Variants in NSA2 observed in about 807,000 individuals in gnomAD.
The protein encoded by NSA2 is NSA2 ribosome biogenesis factor, also known as ribosome biogenesis protein NSA2 homolog.
In NSA2, 18 loss-of-function variants were observed where a neutral mutation model predicts 34.8. The observed-to-expected ratio is 0.52, with a 90% CI of 0.36 to 0.77. NSA2 has a LOEUF of 0.77. Ranked by LOEUF, NSA2 falls within the 30% of genes least tolerant of loss-of-function variation. The pLI is 0.00. For synonymous variants in NSA2, 79 were observed against 100.2 expected (o/e 0.79, Z 1.26); for missense variants, 188 against 314.7 (o/e 0.60, Z 3.05).
chr5:74,776,225 C>T (rs1258473765), intron 5 of NSA2, among the ~76,000 whole-genome samples: 2 of 152,112 alleles, frequency 1.3e-5, no homozygotes, highest in Non-Finnish European at 2.9e-5. Flanking sequence ...CATGGCTGGG[C>T]GCAGTGGCTC....
intron 1 of NSA2, among the ~76,000 whole-genome samples, chr5:74,768,038 G>A (rs894280245): frequency 1.3e-5 from 2 of 152,100 alleles, no homozygotes. Flanking sequence ...ATAGACTCAC[G>A]CCTGGCCGCG....
rs925429530 is a variant in NSA2, at chr5:74,779,205, G to A, written c.*2534G>A. 1 of 152,078 alleles carries A rather than the reference G, an allele frequency of 6.6e-6. No individual in the cohort carries two copies. The highest frequency in any genetic ancestry group is 2.4e-5 in the African/African-American group (1 of 41,416). The allele number at this position is 152,078 out of a possible 1,614,324, so 9.4% of individuals were successfully genotyped here. On this transcript the variant is annotated 3_prime_UTR_variant, in exon 6 of 6. Coordinates refer to ENST00000610426, the MANE Select transcript of NSA2 (RefSeq NM_014886.6). Reference sequence around the variant, plus strand: ...CTGTTAGCCCCCAATGGTCATATATGATTAATAAACATTTTTTGTAAACTC... The same window carrying A: ...CTGTTAGCCCCCAATGGTCATATATAATTAATAAACATTTTTTGTAAACTC...
Position 74,779,428 on chromosome 5 carries a change from G to C in NSA2, c.*2757G>C, listed in dbSNP as rs996035646. 6.6e-6 allele frequency: 1 copy of C among 152,016 alleles called. No homozygotes were observed. Among genetic ancestry groups the C allele is most frequent in the Non-Finnish European group, 1.5e-5 (1 of 67,958 alleles). The allele number at this position is 152,016 out of a possible 1,614,324, so 9.4% of individuals were successfully genotyped here. On this transcript the variant is annotated 3_prime_UTR_variant, in exon 6 of 6. Transcript: ENST00000610426. ...TTCCATGTTTAAAATAATTTGAAAA[G>C]AAAGTATTTTAAACAAATCCAAGTA...
chr5:74,773,847 A>T lies in NSA2; in HGVS notation c.523-21A>T, dbSNP rs765111425. 4.4e-6 allele frequency: 7 copies of T among 1,596,154 alleles called. No individual in the cohort carries two copies. In the South Asian group the frequency reaches 7.9e-5, roughly 18 times the overall value. Reference sequence around the variant, plus strand: ...TAACATTTTGGACGTAAACATTCTTATGTTGTGTTTGACTTACTAGGGCTT... The same window carrying T: ...TAACATTTTGGACGTAAACATTCTTTTGTTGTGTTTGACTTACTAGGGCTT... On this transcript the variant is annotated intron_variant, in intron 4 of 5. Coordinates refer to ENST00000610426, the MANE Select transcript of NSA2 (RefSeq NM_014886.6).
Position 74,773,894 on chromosome 5 carries a change from A to G in NSA2, c.549A>G (p.Val183=), listed in dbSNP as rs1383581530. Residue 183 remains valine, a synonymous_variant, in exon 5 of 6, where the codon GTA becomes GTG. Coordinates refer to ENST00000610426, the MANE Select transcript of NSA2 (RefSeq NM_014886.6). The part of the protein sequence containing the change: ...PMGLRFKKAH[V]THPELKATFC... ...GCTTGCGTTTCAAGAAAGCCCATGTAACACATCCTGAACTGAAAGCCACCT... is the reference window on the plus strand; with the variant it reads ...GCTTGCGTTTCAAGAAAGCCCATGTGACACATCCTGAACTGAAAGCCACCT... The G allele has an allele frequency of 1.5e-5, 24 of 1,613,356 alleles. No individual in the cohort carries two copies. The highest frequency in any genetic ancestry group is 1.9e-5 in the Non-Finnish European group (22 of 1,179,702).
rs528811654 is a variant in NSA2, at chr5:74,769,415, T to A, written c.342+51T>A. 97 of 1,471,714 alleles carry A rather than the reference T, an allele frequency of 6.6e-5. 1 individual carries two copies. The South Asian group carries it at 1.1e-3, about 17-fold the overall frequency. 91.2% of individuals were successfully genotyped at this position (1,471,714 alleles called of 1,614,324 possible). ...GTTTTGTTTAGGAGAATTACTTAAA[T>A]TCAAATTTGAGGTTCTTGTTTCTCG... is the stretch of plus-strand genomic sequence containing the variant. On this transcript the variant is annotated intron_variant, in intron 3 of 5. Transcript: ENST00000610426.
chr5:74,768,175 T>C (rs1744771612), intron 1 of NSA2, among the ~76,000 whole-genome samples: 1 of 152,236 alleles, frequency 6.6e-6, no homozygotes, highest in African/African-American at 2.4e-5. Flanking sequence ...TGCAGTTGTT[T>C]ATTGCAGATT....
In NSA2 at chr5:74,777,621, T is replaced by G. The variant is rs1481118437; in HGVS notation, c.*950T>G. On this transcript the variant is annotated 3_prime_UTR_variant, in exon 6 of 6. Coordinates refer to ENST00000610426, the MANE Select transcript of NSA2 (RefSeq NM_014886.6). The stretch of plus-strand genomic sequence containing the variant: ...TTTTTAAAGAAGTCTGTCTTCAGAG[T>G]ACAACCAATGTGATTAATTGTGCCT... 1 of 151,816 alleles carries G rather than the reference T, an allele frequency of 6.6e-6. No homozygotes were observed. The highest frequency in any genetic ancestry group is 1.5e-5 in the Non-Finnish European group (1 of 67,800). The allele number at this position is 151,816 out of a possible 1,614,324, so 9.4% of individuals were successfully genotyped here.
chr5:74,775,798 G>A (rs1239555231), intron 5 of NSA2, among the ~76,000 whole-genome samples: 4 of 151,760 alleles, frequency 2.6e-5, no homozygotes, highest in Non-Finnish European at 5.9e-5. Context: ...AATGTGTCAT[G>A]CAGTAATTTT....
intron 1 of NSA2, among the ~76,000 whole-genome samples, chr5:74,767,598 TTTTC>T (rs1173679564): frequency 6.6e-6 from 1 of 152,158 alleles, no homozygotes; most frequent in Non-Finnish European, 1.5e-5. Flanking sequence ...CTCTGTCCTG[TTTTC>T]TTTTTTCTTT....
At chr5:74,767,504 G>A (rs1744722374) in intron 1 of NSA2, 141 bp downstream of exon 1, 1 of 994,664 alleles carries the variant, frequency 1.0e-6, no homozygotes, top group Non-Finnish European at 1.5e-6. Flanking sequence ...AGACCCGTGG[G>A]GTGGGCTCTG....
intron 5 of NSA2, among the ~76,000 whole-genome samples, 172 bp downstream of exon 5, chr5:74,774,232 A>G (rs973554058): frequency 6.6e-6 from 1 of 152,272 alleles, no homozygotes; most frequent in Admixed American, 6.5e-5. Context: ...AAAAGTTGTT[A>G]TAAATACAAT....
chr5:74,773,208 T>C (rs1304069733), intron 4 of NSA2, among the ~76,000 whole-genome samples: 1 of 152,112 alleles, frequency 6.6e-6, no homozygotes, highest in Non-Finnish European at 1.5e-5. Flanking sequence ...GTGAGGTTAT[T>C]GTGTTTAAGT....
chr5:74,772,463 G>A (rs1341434313), intron 4 of NSA2, among the ~76,000 whole-genome samples: 1 of 152,110 alleles, frequency 6.6e-6, no homozygotes, highest in East Asian at 1.9e-4. Flanking sequence ...CAAATAGCCT[G>A]TTTCTGTAAA....
intron 3 of NSA2, 62 bp downstream of exon 3, chr5:74,769,426 G>T: frequency 1.4e-6 from 2 of 1,380,894 alleles, no homozygotes; most frequent in East Asian, 2.4e-5. Flanking sequence ...TCAAATTTGA[G>T]GTTCTTGTTT....
chr5:74,767,501 TGGGGTG>T (rs1744721998), intron 1 of NSA2, 138 bp downstream of exon 1: 1 of 1,013,332 alleles, frequency 9.9e-7, no homozygotes, highest in African/African-American at 1.6e-5. Flanking sequence ...GGTAGACCCG[TGGGGTG>T]GGCTCTGAGG....
intron 1 of NSA2, among the ~76,000 whole-genome samples, chr5:74,768,563 G>A (rs1384953508): frequency 6.6e-6 from 1 of 152,134 alleles, no homozygotes; most frequent in Admixed American, 6.5e-5. Context: ...AAAAGGACAG[G>A]TTTTACTGTG....
In NSA2 at chr5:74,779,164, CAAGAAT is replaced by C. The variant is rs1303691934; in HGVS notation, c.*2497_*2502del. The C allele has an allele frequency of 6.6e-6, 1 of 152,026 alleles. No individual in the cohort carries two copies. The highest frequency in any genetic ancestry group is 1.5e-5 in the Non-Finnish European group (1 of 67,954). The allele number at this position is 152,026 out of a possible 1,614,324, so 9.4% of individuals were successfully genotyped here. On this transcript the variant is annotated 3_prime_UTR_variant, in exon 6 of 6. Coordinates refer to ENST00000610426, the MANE Select transcript of NSA2 (RefSeq NM_014886.6). ...TACTATTTAACCCAAACAAGTTTAA[CAAGAAT>C]AAGTTTATACTGTTAGCCCCCAATG...
intron 5 of NSA2, among the ~76,000 whole-genome samples, chr5:74,774,554 A>C (rs1366028372): frequency 2.0e-5 from 3 of 152,182 alleles, no homozygotes; most frequent in Non-Finnish European, 4.4e-5. Context: ...CAGTGAGCTG[A>C]GATTGTGCCA....
Sources: allele counts gnomAD v4.1 joint callset (sites outside exome capture counted in the v4.1 genomes callset), GRCh38; gene constraint gnomAD v4.1.1; transcripts MANE v1.5; gene names NCBI Gene and HGNC (gene_info 2026-07-23, HGNC 2026-07-21).